SYN3: variants seen among roughly 807,000 people sequenced by gnomAD.
SYN3 encodes synapsin-3.
SYN3 carries 35 observed loss-of-function variants against 65.8 expected under a neutral mutation model. The ratio of observed to expected loss-of-function variants is 0.53; its 90% CI spans 0.41 to 0.70. The LOEUF (loss-of-function observed/expected upper bound fraction) is 0.70, where lower values mean the gene tolerates loss of function less well. SYN3 is among the 30% of genes least tolerant of loss of function. The pLI is 0.00. For missense variants in SYN3, 680 were observed against 749.0 expected (o/e 0.91, Z 1.08); for synonymous variants, 270 against 292.9 (o/e 0.92, Z 0.80).
rs1419768747 is a variant in SYN3, at chr22:32,605,006, A to AG, written c.712-8271dup. 1.5e-3 allele frequency among the ~76,000 whole-genome samples: 161 copies of AG among 104,542 alleles called. 1 individual carries two copies. Among genetic ancestry groups the AG allele is most frequent in the Non-Finnish European group, 2.3e-3 (106 of 46,118 alleles). The allele number at this position is 104,542 out of a possible 152,430, so 68.6% of individuals were successfully genotyped here. On this transcript the variant is annotated intron_variant, in intron 6 of 13. Coordinates refer to ENST00000358763, the MANE Select transcript of SYN3 (RefSeq NM_003490.4). ...GGGCGATAGAGCGAGACTCCATCTC[A>AG]GAAAAAAAAAAAAAAAAAAAGAATT...
chr22:32,524,524 C>T (rs1361018587), intron 12 of SYN3, among the ~76,000 whole-genome samples: 1 of 152,152 alleles, frequency 6.6e-6, no homozygotes, highest in Non-Finnish European at 1.5e-5. Flanking sequence ...TATTTTAAGC[C>T]TACTGTTGAG....
intron 6 of SYN3, among the ~76,000 whole-genome samples, chr22:32,673,172 G>A (rs1209572321): frequency 4.6e-5 from 7 of 152,234 alleles, no homozygotes; most frequent in East Asian, 1.9e-4. Context: ...TTAAGGGTAC[G>A]TAGGATGTTC....
chr22:33,045,621 C>G (rs1477636414), intron 1 of SYN3, among the ~76,000 whole-genome samples: 1 of 151,872 alleles, frequency 6.6e-6, no homozygotes, highest in Non-Finnish European at 1.5e-5. Context: ...GCCACTACAC[C>G]CAGCTAATTT....
intron 3 of SYN3, among the ~76,000 whole-genome samples, chr22:32,952,012 T>G (rs764573546): frequency 1.3e-5 from 2 of 152,208 alleles, no homozygotes; most frequent in Non-Finnish European, 2.9e-5. Context: ...ACAGGCTGTA[T>G]TTTTAGCTTG....
chr22:32,716,800 G>C (rs1339223258), intron 6 of SYN3, among the ~76,000 whole-genome samples: 1 of 152,160 alleles, frequency 6.6e-6, no homozygotes, highest in African/African-American at 2.4e-5. Context: ...TGGGATTACA[G>C]GTGTGAGCCA....
chr22:32,625,386 G>A (rs1320909586), intron 6 of SYN3, among the ~76,000 whole-genome samples: 1 of 152,132 alleles, frequency 6.6e-6, no homozygotes, highest in African/African-American at 2.4e-5. Flanking sequence ...CCTATAAATG[G>A]GACAGATGCT....
chr22:32,863,857 C>A (rs1237642829), intron 6 of SYN3, among the ~76,000 whole-genome samples: 1 of 152,182 alleles, frequency 6.6e-6, no homozygotes, highest in Non-Finnish European at 1.5e-5. Context: ...TGATAATGAA[C>A]TCTGAATTTT....
At chr22:32,902,871 C>CA (rs1158432098) in intron 4 of SYN3, among the ~76,000 whole-genome samples, 75,046 of 127,442 alleles carry the variant, frequency 0.59, 19,825 homozygotes, top group African/African-American at 0.63. Context: ...CCCCTGGAGA[C>CA]AAAAAAAAAA....
At chr22:32,961,814 T>C (rs2051661586) in intron 3 of SYN3, among the ~76,000 whole-genome samples, 1 of 152,240 alleles carries the variant, frequency 6.6e-6, no homozygotes, top group Admixed American at 6.5e-5. Context: ...CAAAGTTCCC[T>C]TAGTGTTAAC....
chr22:32,551,889 TTGATGTGGGATAATGAAAA>T lies in SYN3; in HGVS notation c.775-10195_775-10177del, dbSNP rs2058421249. ...GAGAGGAATGGGTAGTCACTGCTAA[TTGATGTGGGATAATGAAAA>T]TGTGCTACAATTATACAGCGGTGAT... On this transcript the variant is annotated intron_variant, in intron 7 of 13. Transcript: ENST00000358763. Among the ~76,000 whole-genome samples the T allele has an allele frequency of 2.0e-5, 3 of 152,312 alleles. No homozygotes were observed. The East Asian group carries it at 5.8e-4, about 29-fold the overall frequency.
At chr22:32,896,707 A>G (rs956491663) in intron 4 of SYN3, among the ~76,000 whole-genome samples, 1 of 152,214 alleles carries the variant, frequency 6.6e-6, no homozygotes, top group African/African-American at 2.4e-5. Flanking sequence ...GAAATCTAAC[A>G]ACTTTGTGAA....
rs746861648 is a variant in SYN3 at position 32,805,512 on chromosome 22, T to C, written c.711+59403A>G. ...AAGTCTGGGGGACCCAGGCTGTGGATGTCTTGGAACCATGGAAGGAGGAGA... is the reference window on the plus strand; with the variant it reads ...AAGTCTGGGGGACCCAGGCTGTGGACGTCTTGGAACCATGGAAGGAGGAGA... On this transcript the variant is annotated intron_variant, in intron 6 of 13. Coordinates refer to ENST00000358763, the MANE Select transcript of SYN3 (RefSeq NM_003490.4). 5.8e-4 allele frequency among the ~76,000 whole-genome samples: 89 copies of C among 152,236 alleles called. 1 individual carries two copies. Among genetic ancestry groups the C allele is most frequent in the Non-Finnish European group, 6.8e-4 (46 of 68,018 alleles).
intron 7 of SYN3, among the ~76,000 whole-genome samples, chr22:32,570,304 C>T (rs965317598): frequency 6.6e-6 from 1 of 152,194 alleles, no homozygotes; most frequent in African/African-American, 2.4e-5. Flanking sequence ...CCTTGTCTGT[C>T]TGGCTCCCTT....
chr22:32,852,877 C>T (rs2048262068), intron 6 of SYN3, among the ~76,000 whole-genome samples: 2 of 152,122 alleles, frequency 1.3e-5, no homozygotes, highest in Non-Finnish European at 2.9e-5. Context: ...ACCTTATCTC[C>T]CATCAGGACC....
At chr22:33,001,605 T>A (rs927959437) in intron 2 of SYN3, among the ~76,000 whole-genome samples, 2 of 152,236 alleles carry the variant, frequency 1.3e-5, no homozygotes, top group African/African-American at 4.8e-5. Flanking sequence ...ACTGTTAAGA[T>A]GATTAATGTT....
intron 7 of SYN3, among the ~76,000 whole-genome samples, chr22:32,558,543 C>T (rs1250268658): frequency 6.6e-6 from 1 of 152,232 alleles, no homozygotes; most frequent in Admixed American, 6.5e-5. Flanking sequence ...GGCAACTTTT[C>T]CCTTTTCCTA....
At chr22:33,001,393 C>T (rs897490343) in intron 2 of SYN3, among the ~76,000 whole-genome samples, 14 of 152,312 alleles carry the variant, frequency 9.2e-5, no homozygotes, top group Admixed American at 4.6e-4. Context: ...ACCTCATTCA[C>T]TGTTCCCCTA....
intron 7 of SYN3, among the ~76,000 whole-genome samples, chr22:32,567,613 T>C (rs2058691938): frequency 6.6e-6 from 1 of 152,126 alleles, no homozygotes; most frequent in East Asian, 1.9e-4. Context: ...CATGTGGAGC[T>C]GGCATGGTCT....
intron 2 of SYN3, among the ~76,000 whole-genome samples, chr22:32,999,771 G>T (rs1387685749): frequency 6.6e-6 from 1 of 152,154 alleles, no homozygotes; most frequent in East Asian, 1.9e-4. Context: ...GGCAGGGCAG[G>T]CATGCTTATG....
Sources: allele counts gnomAD v4.1 joint callset (sites outside exome capture counted in the v4.1 genomes callset), GRCh38; gene constraint gnomAD v4.1.1; transcripts MANE v1.5; gene names NCBI Gene and HGNC (gene_info 2026-07-23, HGNC 2026-07-21).